Variants in LRRC72 observed in about 807,000 individuals in gnomAD.
LRRC72 encodes leucine rich repeat containing 72.
In LRRC72, 41 loss-of-function variants were observed where a neutral mutation model predicts 35.8. The ratio of observed to expected loss-of-function variants is 1.15; its 90% CI spans 0.89 to 1.49. LRRC72 has a LOEUF of 1.49. Ranked by LOEUF, LRRC72 falls within the 40% of genes most tolerant of loss-of-function variation. The pLI, the probability that LRRC72 is intolerant of heterozygous loss-of-function variation, is 0.00. For missense variants in LRRC72, 389 were observed against 330.7 expected (o/e 1.18, Z -1.37); for synonymous variants, 118 against 119.2 (o/e 0.99, Z 0.07).
rs1257004747 is a variant in LRRC72 at position 16,580,100 on chromosome 7, A to C, written c.697A>C (p.Lys233Gln). 3 of 406,274 alleles carry C rather than the reference A, an allele frequency of 7.4e-6. No homozygotes were observed. 25.2% of individuals were successfully genotyped at this position (406,274 alleles called of 1,614,324 possible). A position where few individuals can be genotyped will look rare whatever the true frequency, so the allele number is the denominator to read the frequency against. The change falls in exon 8 of 9, where the codon AAA becomes CAA. Residue 233 changes from lysine (K) to glutamine (Q), a missense_variant and splice_region_variant. Coordinates refer to ENST00000401542, the MANE Select transcript of LRRC72 (RefSeq NM_001195280.2). ...TTTTGCATTTGCAAATAATGTAGAC[A>C]AGTAAGTAATTTTATCTATACATTT... Reference protein sequence around the residue: ...SDFAFANNVDKTVLDDPEDAV... With the variant: ...SDFAFANNVDQTVLDDPEDAV...
In LRRC72 at chr7:16,566,410, C is replaced by A; in HGVS notation, c.517+8C>A. On this transcript the variant is annotated splice_region_variant and intron_variant, in intron 6 of 8. Coordinates refer to ENST00000401542, the MANE Select transcript of LRRC72 (RefSeq NM_001195280.2). ...AGCTGCTTGACCGAAATCGTAAGGA[C>A]CCTTCCTTCTTGCAAAGAAATATTT... The A allele has an allele frequency of 6.6e-7, 1 of 1,520,414 alleles. No homozygotes were observed. Among genetic ancestry groups the A allele is most frequent in the South Asian group, 1.3e-5 (1 of 78,364 alleles). 94.2% of individuals were successfully genotyped at this position (1,520,414 alleles called of 1,614,324 possible).
chr7:16,555,637 C>T (rs1200639899), intron 3 of LRRC72, among the ~76,000 whole-genome samples: 5 of 151,922 alleles, frequency 3.3e-5, no homozygotes, highest in Non-Finnish European at 5.9e-5. Flanking sequence ...CTGGCTATGG[C>T]GGCATGTGCC....
intron 3 of LRRC72, among the ~76,000 whole-genome samples, chr7:16,551,635 T>C (rs1009991379): frequency 6.6e-6 from 1 of 151,946 alleles, no homozygotes; most frequent in African/African-American, 2.4e-5. Context: ...GTTCAGAGAG[T>C]TTCCAGATAG....
At chr7:16,535,597 G>A (rs1163921856) in intron 2 of LRRC72, among the ~76,000 whole-genome samples, 1 of 152,296 alleles carries the variant, frequency 6.6e-6, no homozygotes, top group East Asian at 1.9e-4. Context: ...TTTGCCTCAT[G>A]TATGACTTTC....
At chr7:16,547,313 G>C (rs1166812296) in intron 3 of LRRC72, among the ~76,000 whole-genome samples, 1 of 152,142 alleles carries the variant, frequency 6.6e-6, no homozygotes, top group Non-Finnish European at 1.5e-5. Flanking sequence ...CACGGAGTGG[G>C]GGGCAGAGAG....
rs552626054 is a variant in LRRC72, at chr7:16,542,988, T to C, written c.234+5292T>C. 2.5e-3 allele frequency among the ~76,000 whole-genome samples: 385 copies of C among 152,288 alleles called. 2 individuals carry two copies. Among genetic ancestry groups the C allele is most frequent in the African/African-American group, 8.9e-3 (368 of 41,552 alleles). ...ATACCCAAAACAGCTTCTGAGTGGT[T>C]ATGGGATAAGTAAAAAAGCTAATGT... is the stretch of plus-strand genomic sequence containing the variant. On this transcript the variant is annotated intron_variant, in intron 3 of 8. Coordinates refer to ENST00000401542, the MANE Select transcript of LRRC72 (RefSeq NM_001195280.2).
rs547463276 is a variant in LRRC72, at chr7:16,558,075, A to C, written c.316+634A>C. Among the ~76,000 whole-genome samples the C allele has an allele frequency of 3.9e-5, 6 of 152,364 alleles. No individual in the cohort carries two copies. In the South Asian group the frequency reaches 1.2e-3, roughly 32 times the overall value. On this transcript the variant is annotated intron_variant, in intron 4 of 8. Transcript: ENST00000401542. Reference sequence around the variant, plus strand: ...ACATCCCACTTTCATTTATGTTAAAAATGTGGGAAAATATACAATTTACAA... The same window carrying C: ...ACATCCCACTTTCATTTATGTTAAACATGTGGGAAAATATACAATTTACAA...
intron 5 of LRRC72, among the ~76,000 whole-genome samples, chr7:16,561,476 A>C (rs1436498925): frequency 6.6e-6 from 1 of 152,190 alleles, no homozygotes; most frequent in South Asian, 2.1e-4. Flanking sequence ...TCAAGGGTGT[A>C]TGTGAGTGTA....
chr7:16,537,685 C>A lies in LRRC72; in HGVS notation c.223C>A (p.His75Asn). The A allele has an allele frequency of 6.7e-7, 1 of 1,492,916 alleles. No homozygotes were observed. 92.5% of individuals were successfully genotyped at this position (1,492,916 alleles called of 1,614,324 possible). Residue 75 changes from histidine (H) to asparagine (N), a missense_variant, in exon 3 of 9, where the codon CAT becomes AAT. His to Asn is a moderately conservative substitution (Grantham distance 68, BLOSUM62 1). Coordinates refer to ENST00000401542, the MANE Select transcript of LRRC72 (RefSeq NM_001195280.2). ...TAAAAAATTAAAATACTTATGGCTT[C>A]ATCATAACAAGGTAGTGTTTTATTT... The part of the protein sequence containing the change: ...RFKKLKYLWL[H>N]HNKLHGITFL...
At chr7:16,562,396 G>C (rs1782758645) in intron 5 of LRRC72, among the ~76,000 whole-genome samples, 1 of 152,154 alleles carries the variant, frequency 6.6e-6, no homozygotes, top group South Asian at 2.1e-4. Flanking sequence ...GCAACAAAAT[G>C]CTTAATCCAC....
intron 7 of LRRC72, among the ~76,000 whole-genome samples, chr7:16,567,824 A>G (rs1782876452): frequency 6.6e-6 from 1 of 152,138 alleles, no homozygotes; most frequent in African/African-American, 2.4e-5. Context: ...CTAACACAGT[A>G]TAAAGGGCTC....
intron 1 of LRRC72, among the ~76,000 whole-genome samples, chr7:16,529,867 T>C (rs1418575997): frequency 6.6e-6 from 1 of 152,212 alleles, no homozygotes; most frequent in Admixed American, 6.5e-5. Flanking sequence ...ATTATCAAAT[T>C]AATATGTGGT....
intron 5 of LRRC72, among the ~76,000 whole-genome samples, chr7:16,559,980 A>G (rs1782718392): frequency 6.6e-6 from 1 of 152,162 alleles, no homozygotes; most frequent in Non-Finnish European, 1.5e-5. Context: ...GAACTAACCT[A>G]TTGGAAAGAA....
intron 7 of LRRC72, among the ~76,000 whole-genome samples, chr7:16,573,692 A>G (rs567086783): frequency 2.0e-5 from 3 of 152,360 alleles, no homozygotes; most frequent in South Asian, 4.1e-4. Context: ...ACCTAAAACC[A>G]TAAAACCCTA....
chr7:16,558,337 G>A (rs1325796076), intron 4 of LRRC72, among the ~76,000 whole-genome samples: 6 of 152,288 alleles, frequency 3.9e-5, no homozygotes, highest in Admixed American at 2.0e-4. Context: ...GGCCGGGCGC[G>A]GTGGCTCATG....
intron 5 of LRRC72, among the ~76,000 whole-genome samples, chr7:16,565,410 A>C (rs1782812543): frequency 6.6e-6 from 1 of 150,702 alleles, no homozygotes; most frequent in Non-Finnish European, 1.5e-5. Flanking sequence ...CCAGCCTGGC[A>C]ACAAGAACAA....
In LRRC72 at chr7:16,558,383, C is replaced by T. The variant is rs376173397; in HGVS notation, c.317-506C>T. Among the ~76,000 whole-genome samples, 23 of 152,232 alleles carry T rather than the reference C, an allele frequency of 1.5e-4. 1 individual carries two copies. In the East Asian group the frequency reaches 1.7e-3, roughly 11 times the overall value. Reference sequence around the variant, plus strand: ...CAGCAGTTTGGGAGGCCTAGGCGGGCAGATCACCTGAGGTCGGGAGTTCGA... The same window carrying T: ...CAGCAGTTTGGGAGGCCTAGGCGGGTAGATCACCTGAGGTCGGGAGTTCGA... On this transcript the variant is annotated intron_variant, in intron 4 of 8. Transcript: ENST00000401542.
intron 1 of LRRC72, 103 bp from the exon 2 acceptor site, chr7:16,532,392 C>T: frequency 1.3e-6 from 1 of 764,754 alleles, no homozygotes; most frequent in Admixed American, 2.2e-5. Flanking sequence ...CCATATTCAC[C>T]TTTCTTTTGA....
At chr7:16,529,265 G>C (rs372007997) in intron 1 of LRRC72, among the ~76,000 whole-genome samples, 46 of 152,210 alleles carry the variant, frequency 3.0e-4, no homozygotes, top group African/African-American at 9.4e-4. Context: ...TGCTTCTTCT[G>C]TTTTGTGCGC....
Sources: allele counts gnomAD v4.1 joint callset (sites outside exome capture counted in the v4.1 genomes callset), GRCh38; gene constraint gnomAD v4.1.1; transcripts MANE v1.5; gene names NCBI Gene and HGNC (gene_info 2026-07-23, HGNC 2026-07-21).